RBPMS: variants seen among roughly 807,000 people sequenced by gnomAD.
The protein encoded by RBPMS is RNA binding protein, mRNA processing factor.
A neutral mutation model predicts 26.8 loss-of-function variants in RBPMS; 7 were observed. That is an observed-to-expected ratio of 0.26 (90% confidence interval 0.15 to 0.49). RBPMS has a LOEUF of 0.49. Among genes scored for constraint, RBPMS ranks in the 20% least tolerant of loss-of-function variants. RBPMS has a pLI of 0.98. For synonymous variants in RBPMS, 96 were observed against 93.3 expected (o/e 1.03, Z -0.17); for missense variants, 186 against 250.0 (o/e 0.74, Z 1.73).
chr8:30,525,846 CA>C (rs1391621993), intron 5 of RBPMS, among the ~76,000 whole-genome samples: 3 of 152,190 alleles, frequency 2.0e-5, no homozygotes, highest in Admixed American at 2.0e-4. Flanking sequence ...TAGCCCTGAC[CA>C]ATTACTCTGA....
At chr8:30,516,703 T>C (rs978835031) in intron 5 of RBPMS, among the ~76,000 whole-genome samples, 1 of 152,186 alleles carries the variant, frequency 6.6e-6, no homozygotes, top group East Asian at 1.9e-4. Flanking sequence ...ATACAAAGAT[T>C]TAAGGCATTC....
intron 8 of RBPMS, among the ~76,000 whole-genome samples, chr8:30,567,079 C>T (rs1827941895): frequency 6.6e-6 from 1 of 152,120 alleles, no homozygotes; most frequent in Non-Finnish European, 1.5e-5. Context: ...TGGCTTAGAG[C>T]GGCAGGAATG....
chr8:30,545,222 T>C, intron 6 of RBPMS: 1 of 1,278,408 alleles, frequency 7.8e-7, no homozygotes, highest in Non-Finnish European at 1.0e-6. Context: ...CAGGTCAAGG[T>C]AGAGATCTCT....
At chr8:30,549,584 T>C in intron 6 of RBPMS, 2 of 1,613,252 alleles carry the variant, frequency 1.2e-6, no homozygotes, top group African/African-American at 1.3e-5. Context: ...GTTTCCTGTT[T>C]GGTGAGGCTT....
intron 1 of RBPMS, among the ~76,000 whole-genome samples, chr8:30,456,035 A>G (rs1815168930): frequency 6.6e-6 from 1 of 152,240 alleles, no homozygotes; most frequent in African/African-American, 2.4e-5. Flanking sequence ...TTGTTTTGAT[A>G]TAATTGGAAG....
chr8:30,387,379 T>G (rs748147529), intron 1 of RBPMS: 4 of 152,220 alleles, frequency 2.6e-5, no homozygotes, highest in Non-Finnish European at 5.9e-5. Flanking sequence ...TGAAAAACTC[T>G]TAACCTCTTT....
intron 8 of RBPMS, among the ~76,000 whole-genome samples, chr8:30,567,167 A>G (rs1024548157): frequency 1.3e-5 from 2 of 152,168 alleles, no homozygotes; most frequent in Non-Finnish European, 2.9e-5. Flanking sequence ...GGCCTATGAA[A>G]AAAGAGGAGT....
chr8:30,528,620 AACAC>A (rs1182216192), intron 5 of RBPMS, among the ~76,000 whole-genome samples: 1 of 152,202 alleles, frequency 6.6e-6, no homozygotes, highest in Non-Finnish European at 1.5e-5. Flanking sequence ...ATTTCTGTTA[AACAC>A]GTTATATTCA....
chr8:30,567,521 C>T (rs558949405), intron 8 of RBPMS, among the ~76,000 whole-genome samples: 1 of 152,348 alleles, frequency 6.6e-6, no homozygotes, highest in African/African-American at 2.4e-5. Context: ...GGTCATCACT[C>T]ACTCAAACTT....
intron 4 of RBPMS, among the ~76,000 whole-genome samples, chr8:30,503,838 C>T (rs1466987246): frequency 2.0e-5 from 3 of 152,160 alleles, no homozygotes; most frequent in African/African-American, 7.2e-5. Context: ...ATAATGAAGA[C>T]ATTCTTGAAT....
At chr8:30,549,769 T>TTCTTTTCTTC (rs1826161495) in intron 6 of RBPMS, among the ~76,000 whole-genome samples, 1 of 110,674 alleles carries the variant, frequency 9.0e-6, no homozygotes, top group African/African-American at 3.7e-5. Context: ...TTCTTTTCTT[T>TTCTTTTCTTC]TCTTCTCTCT....
In RBPMS at chr8:30,560,476, A is replaced by G. The variant is rs148517482; in HGVS notation, c.*7+1520A>G. On this transcript the variant is annotated intron_variant, in intron 7 of 8. Coordinates refer to ENST00000397323, the MANE Select transcript of RBPMS (RefSeq NM_001008710.3). ...CACAGCTCTTTCTCTGATGGCAGGG[A>G]TAGGAAAGTTGAGAGAGAGCGCTCT... 2.7e-3 allele frequency among the ~76,000 whole-genome samples: 406 copies of G among 152,288 alleles called. 1 individual carries two copies. The highest frequency in any genetic ancestry group is 9.2e-3 in the African/African-American group (383 of 41,548).
At position 30,466,946 on chromosome 8, in the gene RBPMS, A is replaced by G. The variant is rs540769265; in HGVS notation, c.67-7833A>G. Among the ~76,000 whole-genome samples, 411 of 152,274 alleles carry G rather than the reference A, an allele frequency of 2.7e-3. 4 individuals are homozygous for G. The highest frequency in any genetic ancestry group is 5.1e-3 in the Non-Finnish European group (346 of 68,018). The stretch of plus-strand genomic sequence containing the variant: ...TAGTCAATCCTTGGTGTCTGTAGCA[A>G]TGTGACCTCCTGAACCAAAACTTGC... On this transcript the variant is annotated intron_variant, in intron 1 of 8. Coordinates refer to ENST00000397323, the MANE Select transcript of RBPMS (RefSeq NM_001008710.3).
intron 1 of RBPMS, among the ~76,000 whole-genome samples, chr8:30,431,878 T>A (rs1166495980): frequency 6.6e-6 from 1 of 152,022 alleles, no homozygotes; most frequent in Non-Finnish European, 1.5e-5. Context: ...CCCAGTACTT[T>A]GGGAGGCCGA....
At chr8:30,421,170 AGAGT>A (rs1238842852) in intron 1 of RBPMS, among the ~76,000 whole-genome samples, 4 of 151,024 alleles carry the variant, frequency 2.6e-5, no homozygotes, top group African/African-American at 9.8e-5. Context: ...TGTGTGAGAG[AGAGT>A]GTGTGTGTGT....
chr8:30,526,378 T>G (rs1482146696), intron 5 of RBPMS, among the ~76,000 whole-genome samples: 1 of 151,268 alleles, frequency 6.6e-6, no homozygotes, highest in East Asian at 2.0e-4. Flanking sequence ...TCTCCAAATG[T>G]AGGTTAATTG....
At chr8:30,412,100 G>A (rs1809519229) in intron 1 of RBPMS, among the ~76,000 whole-genome samples, 1 of 152,142 alleles carries the variant, frequency 6.6e-6, no homozygotes, top group South Asian at 2.1e-4. Context: ...CTTGTCTGGT[G>A]GTGAACATGG....
intron 7 of RBPMS, among the ~76,000 whole-genome samples, chr8:30,561,251 G>T (rs550662156): frequency 1.3e-5 from 2 of 152,064 alleles, no homozygotes; most frequent in African/African-American, 2.4e-5. Context: ...CCAGAATTTT[G>T]TAAGTCCATG....
At chr8:30,393,044 TAG>T (rs758673580) in intron 1 of RBPMS, among the ~76,000 whole-genome samples, 1 of 152,124 alleles carries the variant, frequency 6.6e-6, no homozygotes, top group African/African-American at 2.4e-5. Flanking sequence ...AGTGAAAATT[TAG>T]AGTCATGTTA....
Sources: allele counts gnomAD v4.1 joint callset (sites outside exome capture counted in the v4.1 genomes callset), GRCh38; gene constraint gnomAD v4.1.1; transcripts MANE v1.5; gene names NCBI Gene and HGNC (gene_info 2026-07-23, HGNC 2026-07-21).